Variants in CRMP1 observed in about 807,000 individuals in gnomAD.
CRMP1 encodes the protein collapsin response mediator protein 1, also known as dihydropyrimidinase-related protein 1.
In CRMP1, 19 loss-of-function variants were observed where a neutral mutation model predicts 68.3. The ratio of observed to expected loss-of-function variants is 0.28; its 90% confidence interval spans 0.19 to 0.41. CRMP1 has a LOEUF of 0.41. Among genes scored for constraint, CRMP1 ranks in the 10% least tolerant of loss-of-function variants. The probability of loss-of-function intolerance (pLI) is 1.00; values close to 1 mark genes in which losing one functional copy is unlikely to be tolerated. For missense variants in CRMP1, 791 were observed against 967.4 expected, an observed-to-expected ratio of 0.82 and a Z score of 2.42; for synonymous variants, 439 against 399.6, an observed-to-expected ratio of 1.10 and a Z score of -1.18.
At chr4:5,884,575 A>G (rs974136420) in intron 1 of CRMP1, among the ~76,000 whole-genome samples, 3 of 151,978 alleles carry the variant, frequency 2.0e-5, no homozygotes, top group African/African-American at 7.2e-5. Context: ...TCCACTGGCC[A>G]ATGAAGAACC....
At position 5,825,467 on chromosome 4, in the gene CRMP1, G is replaced by A; in HGVS notation, c.1969+27C>T. 7 of 1,541,872 alleles carry A rather than the reference G, an allele frequency of 4.5e-6. No individual in the cohort carries two copies. The highest frequency in any genetic ancestry group is 6.1e-6 in the Non-Finnish European group (7 of 1,152,304). On this transcript the variant is annotated intron_variant, in intron 13 of 13. Coordinates refer to ENST00000324989, the MANE Select transcript of CRMP1 (RefSeq NM_001014809.3). The surrounding 1 kb of genome is among the most constrained non-coding windows in gnomAD (Gnocchi z 4.4). ...TCGGCCTGAACTGCTGCAATTGTGG[G>A]GAGCCTGGGCCACCACTCTTTCCTA... is the stretch of plus-strand genomic sequence containing the variant.
chr4:5,874,016 T>C (rs1714640319), intron 1 of CRMP1, among the ~76,000 whole-genome samples: 1 of 152,194 alleles, frequency 6.6e-6, no homozygotes, highest in African/African-American at 2.4e-5. Flanking sequence ...GAAGGAATCG[T>C]CTTTATCTTC....
rs1716012783 is a variant in CRMP1, at chr4:5,892,779, G to A, written c.191C>T (p.Pro64Leu). 2 of 1,293,806 alleles carry A rather than the reference G, an allele frequency of 1.5e-6. No homozygotes were observed. The highest frequency in any genetic ancestry group is 6.8e-5 in the East Asian group (2 of 29,248). The allele number at this position is 1,293,806 out of a possible 1,614,324, so 80.1% of individuals were successfully genotyped here. The change falls in exon 1 of 14, where the codon CCG (proline) becomes CTG (leucine). Residue 64 changes from proline (P) to leucine (L), a missense_variant. Around this residue, in one of 3 missense-constraint regions of CRMP1, gnomAD observed 193 missense variants for 186.3 expected, o/e 1.04. Coordinates refer to ENST00000324989, the MANE Select transcript of CRMP1 (RefSeq NM_001014809.3). This position sits in a 1 kb window ranked among gnomAD's most constrained non-coding sequence, Gnocchi z 8.6. ...CGCGTCGGGCCGGCCAGCGCTGCGC[G>A]GCGTGCGCGCCGAGCCGCGGCGGCC... is the stretch of plus-strand genomic sequence containing the variant. Reference protein sequence around the residue: ...SVGRRGSARTPRSAGRPDAVG... With the variant: ...SVGRRGSARTLRSAGRPDAVG...
chr4:5,825,890 T>C lies in CRMP1; in HGVS notation c.1804-231A>G, dbSNP rs879363998. ...ACACACATCTACATACCCACATGCA[T>C]ACACATACAGACGCACACACCACGC... On this transcript the variant is annotated intron_variant, in intron 12 of 13. Transcript: ENST00000324989. The surrounding 1 kb of genome is among the most constrained non-coding windows in gnomAD (Gnocchi z 4.4). 18,404 of 536,722 alleles carry C rather than the reference T, an allele frequency of 0.034. 411 individuals carry two copies. The highest frequency in any genetic ancestry group is 0.055 in the African/African-American group (2,771 of 50,216). 33.2% of individuals were successfully genotyped at this position (536,722 alleles called of 1,614,324 possible).
chr4:5,863,637 G>A (rs1354567879), intron 2 of CRMP1, among the ~76,000 whole-genome samples: 1 of 152,064 alleles, frequency 6.6e-6, no homozygotes, highest in African/African-American at 2.4e-5. Context: ...TCACCTCCCG[G>A]TGCAGAAGAA....
chr4:5,836,927 T>C, intron 9 of CRMP1, 21 bp from the exon 10 acceptor site: 3 of 1,596,858 alleles, frequency 1.9e-6, no homozygotes, highest in Non-Finnish European at 2.6e-6. Context: ...CAAAACAAGG[T>C]AGAGTTCAGA....
At chr4:5,840,006 G>A (rs1436955835) in intron 8 of CRMP1, among the ~76,000 whole-genome samples, 5 of 152,224 alleles carry the variant, frequency 3.3e-5, no homozygotes, top group South Asian at 4.1e-4. Flanking sequence ...ATGGAGACAC[G>A]ATTTACTCTC....
At position 5,827,376 on chromosome 4, in the gene CRMP1, A is replaced by AT. The variant is rs1719801451; in HGVS notation, c.1803+1112dup. Among the ~76,000 whole-genome samples, 3 of 152,054 alleles carry AT rather than the reference A, an allele frequency of 2.0e-5. No individual in the cohort carries two copies. The South Asian group carries it at 6.2e-4, about 32-fold the overall frequency. ...TTTCCACCCCATCCCTTGTTTCCCC[A>AT]TCCAGTGCAAAGCATCTGTGCGACT... On this transcript the variant is annotated intron_variant, in intron 12 of 13. Coordinates refer to ENST00000324989, the MANE Select transcript of CRMP1 (RefSeq NM_001014809.3).
rs1166235469 is a variant in CRMP1 at position 5,853,367 on chromosome 4, G to T, written c.821-1898C>A. ...GGCAGTGAGCTGAGATCTCGCCATT[G>T]CACTCCAGCCTGGGTGACAGAGTAA... On this transcript the variant is annotated intron_variant, in intron 4 of 13. Transcript: ENST00000324989. This position sits in a 1 kb window ranked among gnomAD's most constrained non-coding sequence, Gnocchi z 4.7. Among the ~76,000 whole-genome samples the T allele has an allele frequency of 6.6e-6, 1 of 152,190 alleles. No individual in the cohort carries two copies. Among genetic ancestry groups the T allele is most frequent in the Non-Finnish European group, 1.5e-5 (1 of 68,034 alleles).
intron 1 of CRMP1, among the ~76,000 whole-genome samples, chr4:5,885,099 T>C (rs572593654): frequency 6.6e-6 from 1 of 152,092 alleles, no homozygotes; most frequent in African/African-American, 2.4e-5. Context: ...AACCGGCTAC[T>C]ATATTGTCTC....
At chr4:5,836,672 G>A (rs1235444865) in intron 10 of CRMP1, 93 bp downstream of exon 10, 2 of 1,584,214 alleles carry the variant, frequency 1.3e-6, no homozygotes, top group East Asian at 4.5e-5. Context: ...TGTAAGAAGG[G>A]AACTTTTAAG....
intron 1 of CRMP1, among the ~76,000 whole-genome samples, chr4:5,869,881 A>G (rs1021536697): frequency 6.6e-6 from 1 of 152,010 alleles, no homozygotes; most frequent in Non-Finnish European, 1.5e-5. Flanking sequence ...CCTGGCTAGC[A>G]CTGTGGGCAA....
intron 11 of CRMP1, among the ~76,000 whole-genome samples, chr4:5,831,662 T>TGAG (rs1367148595): frequency 1.3e-5 from 2 of 152,100 alleles, no homozygotes; most frequent in African/African-American, 4.8e-5. Flanking sequence ...TACTCCTGGG[T>TGAG]GAGGAACGTG....
intron 11 of CRMP1, among the ~76,000 whole-genome samples, chr4:5,831,865 A>G (rs1449775473): frequency 6.6e-6 from 1 of 152,252 alleles, no homozygotes; most frequent in Admixed American, 6.5e-5. Flanking sequence ...CTTGCCATCC[A>G]TGAGCCCCAT....
chr4:5,878,674 G>T (rs1264729563), intron 1 of CRMP1, among the ~76,000 whole-genome samples: 1 of 152,078 alleles, frequency 6.6e-6, no homozygotes, highest in Non-Finnish European at 1.5e-5. Context: ...CTCTAACGTG[G>T]CCCCACACCT....
In CRMP1 at chr4:5,853,943, C is replaced by T. The variant is rs749451885; in HGVS notation, c.820+2200G>A. On this transcript the variant is annotated intron_variant, in intron 4 of 13. Coordinates refer to ENST00000324989, the MANE Select transcript of CRMP1 (RefSeq NM_001014809.3). This position sits in a 1 kb window ranked among gnomAD's most constrained non-coding sequence, Gnocchi z 4.7. ...CCAGGACCTGAGCACCATCGCCATT[C>T]GCCTGCTGGTGACCCAGCCCAGATG... 2.2e-4 allele frequency among the ~76,000 whole-genome samples: 34 copies of T among 152,240 alleles called. No homozygotes were observed. Among genetic ancestry groups the T allele is most frequent in the Non-Finnish European group, 4.7e-4 (32 of 68,038 alleles).
rs1275284298 is a variant in CRMP1, at chr4:5,859,941, A to G, written c.655+1085T>C. ...CCTAACAGTTGAAAGAACATTTACA[A>G]TAAACTGTGGCCTATTTAATTAAAA... On this transcript the variant is annotated intron_variant, in intron 3 of 13. Transcript: ENST00000324989. The surrounding 1 kb of genome is among the most constrained non-coding windows in gnomAD (Gnocchi z 5.2). 1.3e-5 allele frequency among the ~76,000 whole-genome samples: 2 copies of G among 152,094 alleles called. No individual in the cohort carries two copies. Among genetic ancestry groups the G allele is most frequent in the Middle Eastern group, 3.2e-3 (1 of 316 alleles).
chr4:5,830,104 G>T (rs775093804), intron 11 of CRMP1, among the ~76,000 whole-genome samples: 4 of 152,090 alleles, frequency 2.6e-5, no homozygotes, highest in Non-Finnish European at 5.9e-5. Context: ...CTGAGACTGG[G>T]TCTCTTTTTA....
intron 13 of CRMP1, among the ~76,000 whole-genome samples, chr4:5,822,977 A>C (rs1287786638): frequency 6.6e-6 from 1 of 151,892 alleles, no homozygotes; most frequent in Non-Finnish European, 1.5e-5. Context: ...TGACCTACCC[A>C]CTGTACCCTT....
Sources: allele counts gnomAD v4.1 joint callset (sites outside exome capture counted in the v4.1 genomes callset), GRCh38; gene constraint gnomAD v4.1.1; regional missense constraint gnomAD v4.1.1; non-coding constraint Gnocchi (gnomAD v3.1); transcripts MANE v1.5; gene names NCBI Gene and HGNC (gene_info 2026-07-23, HGNC 2026-07-21).